The following MGAT4A variants were observed in gnomAD, a reference collection of about 807,000 sequenced individuals.
The protein encoded by MGAT4A is N-acetylglucosaminyltransferase IVa.
Under a neutral mutation model 74.1 loss-of-function variants are expected in MGAT4A, and 33 were observed. The observed-to-expected ratio is 0.45, with a 90% CI of 0.34 to 0.60. The LOEUF (loss-of-function observed/expected upper bound fraction) is 0.60, where lower values mean the gene tolerates loss of function less well. Ranked by LOEUF, MGAT4A falls within the 20% of genes least tolerant of loss-of-function variation. MGAT4A has a pLI of 0.02. For synonymous variants in MGAT4A, 198 were observed against 210.4 expected, an observed-to-expected ratio of 0.94 and a Z score of 0.51; for missense variants, 479 against 628.3, an observed-to-expected ratio of 0.76 and a Z score of 2.54.
At chr2:98,686,577 C>T (rs920127365) in intron 2 of MGAT4A, among the ~76,000 whole-genome samples, 4 of 151,146 alleles carry the variant, frequency 2.6e-5, no homozygotes, top group Admixed American at 6.6e-5. Flanking sequence ...GACAGAGTCT[C>T]GCTCTGCCAC....
rs1300419498 is a variant in MGAT4A at position 98,619,392 on chromosome 2, C to A, written c.*6174G>T. 6.6e-6 allele frequency: 1 copy of A among 152,006 alleles called. No individual in the cohort carries two copies. The highest frequency in any genetic ancestry group is 1.9e-4 in the East Asian group (1 of 5,200). 9.4% of individuals were successfully genotyped at this position (152,006 alleles called of 1,614,324 possible). Reference sequence around the variant, plus strand: ...CAATACATTTAAGAAAAAAAAAAATCTGGTACAACCTGGCAAGGAGATTCC... The same window carrying A: ...CAATACATTTAAGAAAAAAAAAAATATGGTACAACCTGGCAAGGAGATTCC... On this transcript the variant is annotated 3_prime_UTR_variant, in exon 16 of 16. Transcript: ENST00000393487.
chr2:98,686,604 T>G (rs1702135341), intron 2 of MGAT4A, among the ~76,000 whole-genome samples: 1 of 151,750 alleles, frequency 6.6e-6, no homozygotes, highest in Admixed American at 6.6e-5. Context: ...TGGAGTGCAG[T>G]GGCATGATCT....
chr2:98,621,193 C>A lies in MGAT4A; in HGVS notation c.*4373G>T, dbSNP rs141728751. The A allele has an allele frequency of 2.8e-3, 1,246 of 445,504 alleles. 19 individuals carry two copies. Among genetic ancestry groups the A allele is most frequent in the African/African-American group, 0.022 (1,099 of 49,594 alleles). The allele number at this position is 445,504 out of a possible 1,614,324, so 27.6% of individuals were successfully genotyped here. ...TAGTTCTGTAGGTCAGAAGTCCAAG[C>A]AGGCTTAAGTGAGTTCTCGGCTTAG... On this transcript the variant is annotated 3_prime_UTR_variant, in exon 16 of 16. Transcript: ENST00000393487.
intron 7 of MGAT4A, chr2:98,655,870 ATTC>A (rs534849951): frequency 4.3e-5 from 8 of 186,568 alleles, no homozygotes; most frequent in African/African-American, 1.9e-4. Context: ...TGGGAAAAAA[ATTC>A]TTAATACATA....
At chr2:98,647,210 A>C (rs963812311) in intron 8 of MGAT4A, among the ~76,000 whole-genome samples, 4 of 152,256 alleles carry the variant, frequency 2.6e-5, no homozygotes, top group African/African-American at 9.6e-5. Flanking sequence ...CAGCTGCTGG[A>C]GAGCTAAATT....
intron 14 of MGAT4A, among the ~76,000 whole-genome samples, chr2:98,632,951 G>GAATA (rs1436738224): frequency 1.3e-5 from 2 of 152,144 alleles, no homozygotes; most frequent in African/African-American, 4.8e-5. Context: ...CTAGAGATAG[G>GAATA]GTTTCACCAT....
At chr2:98,697,247 G>A (rs996694533) in intron 2 of MGAT4A, among the ~76,000 whole-genome samples, 1 of 152,164 alleles carries the variant, frequency 6.6e-6, no homozygotes, top group Non-Finnish European at 1.5e-5. Context: ...CAAACACCCA[G>A]CAACTTGGAT....
At chr2:98,684,601 C>T (rs1702103757) in intron 2 of MGAT4A, among the ~76,000 whole-genome samples, 1 of 152,146 alleles carries the variant, frequency 6.6e-6, no homozygotes, top group Non-Finnish European at 1.5e-5. Context: ...CAAGGCTAAA[C>T]CGTATAAAAT....
intron 2 of MGAT4A, among the ~76,000 whole-genome samples, chr2:98,719,814 A>AT (rs542005479): frequency 6.6e-6 from 1 of 151,846 alleles, no homozygotes; most frequent in Non-Finnish European, 1.5e-5. Flanking sequence ...CGCCCAGCTA[A>AT]TTTTTTATTT....
Position 98,639,867 on chromosome 2 carries a change from G to C in MGAT4A, c.1263C>G (p.Ile421Met). Reference sequence around the variant, plus strand: ...AGATGTAGTCTCCAGCTATCGGTGTGATAGCCCAGAAGAAATCCTCTCCCA... The same window carrying C: ...AGATGTAGTCTCCAGCTATCGGTGTCATAGCCCAGAAGAAATCCTCTCCCA... ...TYMGEDFFWA[I>M]TPIAGDYILF... Residue 421 changes from isoleucine (I) to methionine (M), a missense_variant, in exon 12 of 16, where the codon ATC (isoleucine) becomes ATG (methionine). This residue lies in a region of MGAT4A where 236 missense variants were observed against 308.2 expected (regional missense o/e 0.77). Transcript: ENST00000393487. 6.2e-7 allele frequency: 1 copy of C among 1,614,124 alleles called. No individual in the cohort carries two copies. Among genetic ancestry groups the C allele is most frequent in the Non-Finnish European group, 8.5e-7 (1 of 1,179,996 alleles).
Position 98,639,845 on chromosome 2 carries a change from T to A in MGAT4A, c.1285A>T (p.Ile429Phe), listed in dbSNP as rs762482751. 3 of 1,613,678 alleles carry A rather than the reference T, an allele frequency of 1.9e-6. No individual in the cohort carries two copies. In the African/African-American group the frequency reaches 4.0e-5, roughly 22 times the overall value. ...ACTGGTTTATCAAATTTAAACAAGA[T>A]GTAGTCTCCAGCTATCGGTGTGATA... is the stretch of plus-strand genomic sequence containing the variant. ...WAITPIAGDY[I>F]LFKFDKPVNV... The change falls in exon 12 of 16, where the codon ATC becomes TTC. Residue 429 changes from isoleucine (I) to phenylalanine (F), a missense_variant. Ile to Phe is a conservative substitution (Grantham distance 21, BLOSUM62 0). Coordinates refer to ENST00000393487, the MANE Select transcript of MGAT4A (RefSeq NM_012214.3).
chr2:98,714,511 C>T (rs538031976), intron 2 of MGAT4A, among the ~76,000 whole-genome samples: 6 of 152,254 alleles, frequency 3.9e-5, no homozygotes, highest in East Asian at 3.9e-4. Context: ...CGCAGGTGGA[C>T]GTGGAAATAG....
At chr2:98,682,866 A>G (rs1702081040) in intron 2 of MGAT4A, among the ~76,000 whole-genome samples, 1 of 152,106 alleles carries the variant, frequency 6.6e-6, no homozygotes, top group African/African-American at 2.4e-5. Context: ...CGGGTGGATC[A>G]CAAGGTCAGG....
At chr2:98,692,826 C>T (rs1275630954) in intron 2 of MGAT4A, among the ~76,000 whole-genome samples, 1 of 152,112 alleles carries the variant, frequency 6.6e-6, no homozygotes, top group Non-Finnish European at 1.5e-5. Context: ...ACAACAAAAC[C>T]ACCTAACGAT....
chr2:98,662,489 C>T (rs1322602798), intron 5 of MGAT4A, among the ~76,000 whole-genome samples: 1 of 152,126 alleles, frequency 6.6e-6, no homozygotes, highest in Admixed American at 6.5e-5. Context: ...CAGAACTAGA[C>T]CATGTCCTAA....
intron 2 of MGAT4A, among the ~76,000 whole-genome samples, chr2:98,711,070 T>A (rs1303197180): frequency 6.6e-6 from 1 of 151,928 alleles, no homozygotes; most frequent in Non-Finnish European, 1.5e-5. Flanking sequence ...AGAAAAAAAC[T>A]CTAAGTGGCC....
chr2:98,715,134 G>A (rs996609147), intron 2 of MGAT4A, among the ~76,000 whole-genome samples: 4 of 151,802 alleles, frequency 2.6e-5, no homozygotes, highest in Admixed American at 6.6e-5. Context: ...TGGCCAACAC[G>A]GTGAAACCCA....
chr2:98,715,031 G>A (rs1193243971), intron 2 of MGAT4A, among the ~76,000 whole-genome samples: 1 of 151,992 alleles, frequency 6.6e-6, no homozygotes, highest in Admixed American at 6.6e-5. Context: ...ATACATGAAG[G>A]AGGGCTGGGC....
intron 2 of MGAT4A, among the ~76,000 whole-genome samples, chr2:98,688,138 T>C (rs909649119): frequency 6.6e-6 from 1 of 152,190 alleles, no homozygotes; most frequent in Non-Finnish European, 1.5e-5. Context: ...CAAATTTAGC[T>C]ATCGTTTCTT....
Sources: allele counts gnomAD v4.1 joint callset (sites outside exome capture counted in the v4.1 genomes callset), GRCh38; gene constraint gnomAD v4.1.1; regional missense constraint gnomAD v4.1.1; transcripts MANE v1.5; gene names NCBI Gene and HGNC (gene_info 2026-07-23, HGNC 2026-07-21).